The following DPYD variants were observed in gnomAD, a reference collection of about 807,000 sequenced individuals.
The protein encoded by DPYD is dihydropyrimidine dehydrogenase [NADP(+)].
DPYD carries 109 observed loss-of-function variants against 116.2 expected under a neutral mutation model. The ratio of observed to expected loss-of-function variants is 0.94; its 90% CI spans 0.80 to 1.10. DPYD has a LOEUF of 1.10. Ranked by LOEUF, DPYD falls within the 50% of genes least tolerant of loss-of-function variation. The pLI, the probability that DPYD is intolerant of heterozygous loss-of-function variation, is 0.00. For synonymous variants in DPYD, 440 were observed against 432.0 expected, an observed-to-expected ratio of 1.02 and a Z score of -0.23; for missense variants, 1,302 against 1,254.5, an observed-to-expected ratio of 1.04 and a Z score of -0.57.
intron 1 of DPYD, among the ~76,000 whole-genome samples, chr1:97,912,741 T>C (rs1354179310): frequency 3.9e-5 from 6 of 152,144 alleles, no homozygotes; most frequent in African/African-American, 1.4e-4. Flanking sequence ...GAACATTTTG[T>C]GGTGAACGGT....
At chr1:97,252,911 G>A (rs545074578) in intron 18 of DPYD, among the ~76,000 whole-genome samples, 38 of 152,070 alleles carry the variant, frequency 2.5e-4, no homozygotes, top group African/African-American at 8.4e-4. Context: ...CATAAACTTC[G>A]AAATACAAAT....
chr1:97,127,111 T>C (rs142324500), intron 20 of DPYD, among the ~76,000 whole-genome samples: 1 of 152,220 alleles, frequency 6.6e-6, no homozygotes, highest in African/African-American at 2.4e-5. Context: ...ACACATTCAA[T>C]TGGAGGATAA....
At chr1:97,323,166 T>C (rs1001737640) in intron 16 of DPYD, among the ~76,000 whole-genome samples, 2 of 149,582 alleles carry the variant, frequency 1.3e-5, no homozygotes, top group Non-Finnish European at 1.5e-5. Context: ...TGTAAATATA[T>C]ATGTATATAT....
intron 2 of DPYD, among the ~76,000 whole-genome samples, chr1:97,833,193 A>G (rs1204672479): frequency 6.6e-6 from 1 of 152,166 alleles, no homozygotes; most frequent in African/African-American, 2.4e-5. Flanking sequence ...ATGAAAAGTC[A>G]CAAAGAGTTA....
chr1:97,393,291 CT>C (rs58473176), intron 14 of DPYD, among the ~76,000 whole-genome samples: 8 of 149,022 alleles, frequency 5.4e-5, no homozygotes, highest in East Asian at 4.0e-4. Flanking sequence ...AGCCTATTTT[CT>C]TTTTTTTTTA....
chr1:97,358,979 G>A (rs866571171), intron 16 of DPYD, among the ~76,000 whole-genome samples: 1 of 152,172 alleles, frequency 6.6e-6, no homozygotes, highest in Non-Finnish European at 1.5e-5. Context: ...GTTGACAGAA[G>A]TAGGCTTCAG....
At position 97,429,581 on chromosome 1, in the gene DPYD, G is replaced by C. The variant is rs1379905669; in HGVS notation, c.1905+20478C>G. Among the ~76,000 whole-genome samples the C allele has an allele frequency of 2.0e-5, 3 of 151,902 alleles. No homozygotes were observed. In the East Asian group the frequency reaches 5.8e-4, roughly 29 times the overall value. On this transcript the variant is annotated intron_variant, in intron 14 of 22. Transcript: ENST00000370192. ...TGCCACTTTCTAGTCTTTTTATCTT[G>C]AGTAAGATACTTCTTATTTTTTATG...
At chr1:97,287,081 T>C (rs891711354) in intron 18 of DPYD, among the ~76,000 whole-genome samples, 2 of 152,162 alleles carry the variant, frequency 1.3e-5, no homozygotes, top group Non-Finnish European at 2.9e-5. Flanking sequence ...TCTTTGATGA[T>C]GGTGATGTAC....
In DPYD at chr1:97,778,170, A is replaced by AAAAG. The variant is rs1553238265; in HGVS notation, c.234-37695_234-37692dup. Among the ~76,000 whole-genome samples the AAAAG allele has an allele frequency of 5.0e-4, 44 of 88,616 alleles. 2 individuals are homozygous for AAAAG. Among genetic ancestry groups the AAAAG allele is most frequent in the African/African-American group, 1.7e-3 (41 of 23,474 alleles). 58.1% of individuals were successfully genotyped at this position (88,616 alleles called of 152,430 possible). A position where few individuals can be genotyped will look rare whatever the true frequency, so the allele number is the denominator to read the frequency against. On this transcript the variant is annotated intron_variant, in intron 3 of 22. Coordinates refer to ENST00000370192, the MANE Select transcript of DPYD (RefSeq NM_000110.4). Reference sequence around the variant, plus strand: ...AAGACCCTGTCAAAAAAAAAAAAAAAAAAGAAAGAAAGAAAGAAAGAGAGA... The same window carrying AAAAG: ...AAGACCCTGTCAAAAAAAAAAAAAAAAAAGAAAGAAAGAAAGAAAGAAAGAGAGA...
At chr1:97,305,683 T>A (rs1040832433) in intron 17 of DPYD, among the ~76,000 whole-genome samples, 1 of 151,990 alleles carries the variant, frequency 6.6e-6, no homozygotes, top group African/African-American at 2.4e-5. Context: ...GCAATTTCCC[T>A]GGGATGGAAC....
chr1:97,547,717 G>C (rs1651009707), intron 12 of DPYD, among the ~76,000 whole-genome samples: 1 of 151,908 alleles, frequency 6.6e-6, no homozygotes, highest in South Asian at 2.1e-4. Context: ...GTCTCACTCT[G>C]TCACCCAGGC....
At position 97,229,575 on chromosome 1, in the gene DPYD, T is replaced by TGGTC. The variant is rs1661447769; in HGVS notation, c.2442+5276_2442+5277insGACC. Among the ~76,000 whole-genome samples, 5 of 72,120 alleles carry TGGTC rather than the reference T, an allele frequency of 6.9e-5. No homozygotes were observed. In the South Asian group the frequency reaches 1.3e-3, roughly 19 times the overall value. The allele number at this position is 72,120 out of a possible 152,430, so 47.3% of individuals were successfully genotyped here. A position where few individuals can be genotyped will look rare whatever the true frequency, so the allele number is the denominator to read the frequency against. On this transcript the variant is annotated intron_variant, in intron 19 of 22. Transcript: ENST00000370192. ...ATATATATATATATATATATATATA[T>TGGTC]ATATATATATATATACTGATTTTAA...
intron 13 of DPYD, among the ~76,000 whole-genome samples, chr1:97,469,128 C>T (rs1047656109): frequency 6.6e-6 from 1 of 151,984 alleles, no homozygotes; most frequent in African/African-American, 2.4e-5. Flanking sequence ...ATGAAAGGAA[C>T]AGCCATTTAA....
intron 3 of DPYD, among the ~76,000 whole-genome samples, chr1:97,748,279 T>C (rs944721234): frequency 1.3e-5 from 2 of 152,160 alleles, no homozygotes; most frequent in East Asian, 1.9e-4. Context: ...AATAGATAGA[T>C]AGAATGAAGA....
intron 20 of DPYD, among the ~76,000 whole-genome samples, chr1:97,142,568 T>G (rs933886148): frequency 6.6e-6 from 1 of 152,178 alleles, no homozygotes; most frequent in Non-Finnish European, 1.5e-5. Flanking sequence ...TCAGATTTCA[T>G]TCTTCATACT....
chr1:97,775,783 C>T (rs377547056), intron 3 of DPYD, among the ~76,000 whole-genome samples: 2 of 152,156 alleles, frequency 1.3e-5, no homozygotes, highest in African/African-American at 4.8e-5. Context: ...TGAATGATAC[C>T]ATAGCTAGAA....
At chr1:97,578,439 A>C (rs551072132) in intron 10 of DPYD, among the ~76,000 whole-genome samples, 108 of 152,234 alleles carry the variant, frequency 7.1e-4, no homozygotes, top group African/African-American at 2.5e-3. Context: ...AGCCTTAGGC[A>C]CACTGCTGCT....
At chr1:97,108,673 G>T (rs1384793311) in intron 20 of DPYD, among the ~76,000 whole-genome samples, 1 of 151,902 alleles carries the variant, frequency 6.6e-6, no homozygotes, top group Admixed American at 6.6e-5. Flanking sequence ...AAAATTAATA[G>T]AACTAAAAAT....
At chr1:97,582,939 CT>C (rs1185788261) in intron 10 of DPYD, among the ~76,000 whole-genome samples, 1 of 152,066 alleles carries the variant, frequency 6.6e-6, no homozygotes, top group Non-Finnish European at 1.5e-5. Context: ...AAATACATCT[CT>C]TTTAACAAGT....
Sources: allele counts gnomAD v4.1 joint callset (sites outside exome capture counted in the v4.1 genomes callset), GRCh38; gene constraint gnomAD v4.1.1; transcripts MANE v1.5; gene names NCBI Gene and HGNC (gene_info 2026-07-23, HGNC 2026-07-21).